CSMD2: variants seen among roughly 807,000 people sequenced by gnomAD.
CSMD2 encodes CUB and Sushi multiple domains 2.
CSMD2 carries 130 observed loss-of-function variants against 398.5 expected under a neutral mutation model. The ratio of observed to expected loss-of-function variants is 0.33; its 90% CI spans 0.28 to 0.38. The LOEUF (loss-of-function observed/expected upper bound fraction) is 0.38, where lower values mean the gene tolerates loss of function less well. Ranked by LOEUF, CSMD2 falls within the 10% of genes least tolerant of loss-of-function variation. The pLI is 1.00. For missense variants in CSMD2, 3,829 were observed against 4,764.9 expected (o/e 0.80, Z 5.78); for synonymous variants, 1,828 against 1,908.5 (o/e 0.96, Z 1.10).
intron 15 of CSMD2, among the ~76,000 whole-genome samples, chr1:33,729,186 T>C (rs1181639062): frequency 6.6e-6 from 1 of 152,200 alleles, no homozygotes; most frequent in African/African-American, 2.4e-5. Context: ...CCATTGCCTG[T>C]CTAGGCCACT....
At position 33,717,198 on chromosome 1, in the gene CSMD2, C is replaced by T. The variant is rs574914970; in HGVS notation, c.3002-697G>A. ...CTGGAATTGAAGCTGGATAGGTAGA[C>T]GGGGGCCAGACCCAATATTTTTCTG... On this transcript the variant is annotated intron_variant, in intron 19 of 70. Transcript: ENST00000373381. 2.2e-4 allele frequency among the ~76,000 whole-genome samples: 34 copies of T among 152,116 alleles called. No individual in the cohort carries two copies. In the South Asian group the frequency reaches 3.3e-3, roughly 15 times the overall value.
At chr1:33,634,495 A>G (rs981754770) in intron 31 of CSMD2, among the ~76,000 whole-genome samples, 1 of 152,018 alleles carries the variant, frequency 6.6e-6, no homozygotes, top group Non-Finnish European at 1.5e-5. Context: ...TTGTGTTTAG[A>G]TATGGTTGTT....
chr1:34,149,496 T>C (rs1640089971), intron 1 of CSMD2, among the ~76,000 whole-genome samples: 1 of 152,092 alleles, frequency 6.6e-6, no homozygotes, highest in South Asian at 2.1e-4. Flanking sequence ...TCCAGAATAA[T>C]GGGAATTAGT....
intron 1 of CSMD2, among the ~76,000 whole-genome samples, chr1:34,159,339 A>ACCCCCCCCTC (rs764781447): frequency 1.2e-5 from 1 of 80,838 alleles, no homozygotes; most frequent in African/African-American, 3.5e-5. Context: ...CCCCCCCCCC[A>ACCCCCCCCTC]CCCAGGAGCT....
intron 3 of CSMD2, among the ~76,000 whole-genome samples, chr1:33,983,572 A>G (rs1646245624): frequency 1.3e-5 from 2 of 151,686 alleles, no homozygotes; most frequent in Admixed American, 1.3e-4. Context: ...GTCTTAGTCT[A>G]TCTCTCCCTG....
intron 1 of CSMD2, among the ~76,000 whole-genome samples, chr1:34,162,718 G>GC (rs1475374144): frequency 4.6e-5 from 7 of 152,022 alleles, no homozygotes; most frequent in Admixed American, 2.0e-4. Context: ...AATTAACCGG[G>GC]CGTGGTGACG....
intron 25 of CSMD2, among the ~76,000 whole-genome samples, chr1:33,664,823 A>C (rs1644256772): frequency 6.6e-6 from 1 of 152,060 alleles, no homozygotes; most frequent in Non-Finnish European, 1.5e-5. Flanking sequence ...AAATAAATAA[A>C]TAAAAAGAAA....
intron 1 of CSMD2, among the ~76,000 whole-genome samples, chr1:34,114,794 T>A (rs1396742628): frequency 6.6e-6 from 1 of 151,998 alleles, no homozygotes; most frequent in Non-Finnish European, 1.5e-5. Flanking sequence ...TTCAAAATCA[T>A]TGTCTTTAAG....
At chr1:33,711,468 A>G (rs910735083) in intron 21 of CSMD2, among the ~76,000 whole-genome samples, 1 of 152,220 alleles carries the variant, frequency 6.6e-6, no homozygotes, top group Admixed American at 6.5e-5. Flanking sequence ...GATTTTATAT[A>G]TAAGATAGGT....
intron 65 of CSMD2, among the ~76,000 whole-genome samples, chr1:33,526,308 G>A (rs958744632): frequency 2.6e-5 from 4 of 152,190 alleles, no homozygotes; most frequent in African/African-American, 9.6e-5. Context: ...AATGAAGTCA[G>A]ACAGACCCAG....
At chr1:33,946,502 T>G (rs754404458) in intron 3 of CSMD2, among the ~76,000 whole-genome samples, 2 of 152,176 alleles carry the variant, frequency 1.3e-5, no homozygotes, top group Non-Finnish European at 2.9e-5. Context: ...GGCTAGTAAC[T>G]TGTGGTGGTA....
At chr1:33,808,206 C>T (rs1010784633) in intron 10 of CSMD2, among the ~76,000 whole-genome samples, 3 of 151,906 alleles carry the variant, frequency 2.0e-5, no homozygotes, top group Non-Finnish European at 4.4e-5. Context: ...CTCCCTCTGC[C>T]GTTGATTGAT....
At chr1:33,571,975 T>G (rs1196448921) in intron 50 of CSMD2, among the ~76,000 whole-genome samples, 1 of 152,332 alleles carries the variant, frequency 6.6e-6, no homozygotes, top group Non-Finnish European at 1.5e-5. Flanking sequence ...GGTTGACTAT[T>G]GAATGTTTGA....
chr1:33,561,549 AAAG>A (rs1658544204), intron 53 of CSMD2, among the ~76,000 whole-genome samples: 1 of 152,228 alleles, frequency 6.6e-6, no homozygotes. Flanking sequence ...TGGAATATAC[AAAG>A]AAGAATATAA....
chr1:33,544,273 ATTTTTT>A lies in CSMD2; in HGVS notation c.9101-1383_9101-1378del, dbSNP rs34986232. Reference sequence around the variant, plus strand: ...AGGCGCCTGCTACCACGACCGGCTAATTTTTTTTTTTTTTTTTGTATTTTTAGTAGA... The same window carrying A: ...AGGCGCCTGCTACCACGACCGGCTAATTTTTTTTTTTGTATTTTTAGTAGA... On this transcript the variant is annotated intron_variant, in intron 57 of 70. Coordinates refer to ENST00000373381, the MANE Select transcript of CSMD2 (RefSeq NM_001281956.2). Among the ~76,000 whole-genome samples the A allele has an allele frequency of 2.9e-5, 4 of 136,944 alleles. No homozygotes were observed. In the East Asian group the frequency reaches 8.4e-4, roughly 29 times the overall value. 89.8% of individuals were successfully genotyped at this position (136,944 alleles called of 152,430 possible). A position where few individuals can be genotyped will look rare whatever the true frequency, so the allele number is the denominator to read the frequency against.
At chr1:33,701,896 A>T (rs1645624475) in intron 22 of CSMD2, among the ~76,000 whole-genome samples, 1 of 152,270 alleles carries the variant, frequency 6.6e-6, no homozygotes, top group Admixed American at 6.5e-5. Context: ...AATAAGAAAT[A>T]ATAATCATCA....
chr1:33,772,747 G>C lies in CSMD2; in HGVS notation c.1668C>G (p.Ile556Met). 3.7e-6 allele frequency: 6 copies of C among 1,609,356 alleles called. No individual in the cohort carries two copies. The highest frequency in any genetic ancestry group is 5.1e-6 in the Non-Finnish European group (6 of 1,176,448). The change falls in exon 13 of 71, where the codon ATC becomes ATG. Residue 556 changes from isoleucine to methionine, a missense_variant. Around this residue, in one of 5 missense-constraint regions of CSMD2, gnomAD observed 2,001 missense variants for 2,567.1 expected, o/e 0.78. Transcript: ENST00000373381. ...CAGGGTCACCGCAACTGCCCTGCTC[G>C]ATCTCTGAAAGACAGGAAGATGAGA... Reference protein sequence around the residue: ...SLGFKASYEEIEQGSCGDPGI... With the variant: ...SLGFKASYEEMEQGSCGDPGI...
At chr1:33,598,014 A>G (rs554602235) in intron 44 of CSMD2, among the ~76,000 whole-genome samples, 19 of 152,380 alleles carry the variant, frequency 1.2e-4, no homozygotes, top group Admixed American at 6.5e-5. Context: ...CAGAAATAAC[A>G]TGCAAAATTA....
intron 25 of CSMD2, among the ~76,000 whole-genome samples, chr1:33,682,916 GC>G (rs1217379642): frequency 6.6e-6 from 1 of 152,126 alleles, no homozygotes; most frequent in East Asian, 1.9e-4. Flanking sequence ...ACTTCACTGA[GC>G]ACATTTTAGC....
Sources: gnomAD v4.1 joint callset for allele counts (sites outside exome capture counted in the v4.1 genomes callset) on GRCh38, gnomAD v4.1.1 for gene constraint, gnomAD v4.1.1 regional missense constraint, MANE v1.5 for transcripts, NCBI Gene and HGNC (gene_info 2026-07-23, HGNC 2026-07-21) for gene names.